Variants in DCUN1D1 observed in about 807,000 individuals in gnomAD.
The protein encoded by DCUN1D1 is defective in cullin neddylation 1 domain containing 1, also known as DCN1-like protein 1.
A neutral mutation model predicts 39.0 loss-of-function variants in DCUN1D1; 3 were observed. The observed-to-expected ratio is 0.08, with a 90% CI of 0.04 to 0.20. The LOEUF (loss-of-function observed/expected upper bound fraction) is 0.20, where lower values mean the gene tolerates loss of function less well. Ranked by LOEUF, DCUN1D1 falls within the 10% of genes least tolerant of loss-of-function variation. The pLI, the probability that DCUN1D1 is intolerant of heterozygous loss-of-function variation, is 1.00. For missense variants in DCUN1D1, 158 were observed against 302.4 expected, an observed-to-expected ratio of 0.52 and a Z score of 3.54; for synonymous variants, 82 against 96.3, an observed-to-expected ratio of 0.85 and a Z score of 0.87.
At chr3:182,965,498 TG>T in intron 2 of DCUN1D1, 38 bp downstream of exon 2, 1 of 1,411,874 alleles carries the variant, frequency 7.1e-7, no homozygotes, top group Non-Finnish European at 9.9e-7. Flanking sequence ...TTGGAAAATC[TG>T]GTCCAAAATT....
rs1472667594 is a variant in DCUN1D1 at position 182,943,522 on chromosome 3, G to A, written c.*1572C>T. On this transcript the variant is annotated 3_prime_UTR_variant, in exon 7 of 7. Coordinates refer to ENST00000292782, the MANE Select transcript of DCUN1D1 (RefSeq NM_020640.4). ...TAAAAAGCAGTTTTGATATGTCATT[G>A]TTTCTTAAAATAATTTCCATATTTG... is the stretch of plus-strand genomic sequence containing the variant. 6.6e-6 allele frequency: 1 copy of A among 152,372 alleles called. No individual in the cohort carries two copies. Among genetic ancestry groups the A allele is most frequent in the Non-Finnish European group, 1.5e-5 (1 of 67,982 alleles). The allele number at this position is 152,372 out of a possible 1,614,324, so 9.4% of individuals were successfully genotyped here.
chr3:182,959,501 CAAAA>C (rs11373344), intron 4 of DCUN1D1, among the ~76,000 whole-genome samples: 1 of 81,138 alleles, frequency 1.2e-5, no homozygotes, highest in Non-Finnish European at 2.2e-5. Context: ...CTTCAAAAAC[CAAAA>C]AAAAAAAAAA....
intron 1 of DCUN1D1, among the ~76,000 whole-genome samples, chr3:182,967,061 C>G (rs1262865272): frequency 3.3e-5 from 5 of 151,698 alleles, no homozygotes; most frequent in Non-Finnish European, 5.9e-5. Context: ...GAGCCAAGAT[C>G]ACATCATCAC....
chr3:182,950,227 A>G (rs1375280191), intron 4 of DCUN1D1, among the ~76,000 whole-genome samples: 2 of 151,842 alleles, frequency 1.3e-5, no homozygotes, highest in African/African-American at 4.8e-5. Flanking sequence ...GGTTCACTGC[A>G]ACCTCCGACT....
upstream of DCUN1D1, among the ~76,000 whole-genome samples, chr3:182,984,355 TG>T (rs960975333): frequency 5.9e-5 from 9 of 152,342 alleles, no homozygotes; most frequent in African/African-American, 2.2e-4. Flanking sequence ...ATTTTTTAAA[TG>T]GAAAAGCATC....
intron 1 of DCUN1D1, among the ~76,000 whole-genome samples, chr3:182,971,386 A>G (rs1421434045): frequency 1.3e-5 from 2 of 152,024 alleles, no homozygotes; most frequent in Non-Finnish European, 2.9e-5. Context: ...GCAGCACAGG[A>G]AGACCTCATC....
intron 6 of DCUN1D1, among the ~76,000 whole-genome samples, chr3:182,945,728 G>A (rs1509229): frequency 0.71 from 108,673 of 152,124 alleles, 39,630 homozygotes; most frequent in Non-Finnish European, 0.77. Flanking sequence ...TCACAAAGGA[G>A]ATTAACAGGA....
upstream of DCUN1D1, chr3:182,980,563 C>A: frequency 8.5e-7 from 1 of 1,177,664 alleles, no homozygotes; most frequent in Non-Finnish European, 1.1e-6. Flanking sequence ...GCGGCGGCTC[C>A]TCTCACGGGC....
At chr3:182,945,487 T>C (rs1378756171) in intron 6 of DCUN1D1, among the ~76,000 whole-genome samples, 1 of 152,090 alleles carries the variant, frequency 6.6e-6, no homozygotes, top group Non-Finnish European at 1.5e-5. Context: ...AGTAATTTGG[T>C]CAAAACTGGC....
chr3:182,961,064 T>C (rs538010772), intron 4 of DCUN1D1, among the ~76,000 whole-genome samples, 162 bp downstream of exon 4: 3 of 152,332 alleles, frequency 2.0e-5, no homozygotes, highest in African/African-American at 7.2e-5. Flanking sequence ...TCAATGTGCA[T>C]GGTATTTTCT....
upstream of DCUN1D1, among the ~76,000 whole-genome samples, chr3:182,983,508 G>A (rs1728625890): frequency 6.6e-6 from 1 of 152,198 alleles, no homozygotes; most frequent in African/African-American, 2.4e-5. Flanking sequence ...TTAAGTTCAG[G>A]AGTTCGAGAC....
At chr3:182,957,565 G>A (rs950858843) in intron 4 of DCUN1D1, among the ~76,000 whole-genome samples, 9 of 152,076 alleles carry the variant, frequency 5.9e-5, no homozygotes, top group African/African-American at 2.2e-4. Flanking sequence ...GTTTGAGACT[G>A]CAGTGAGCTA....
intron 4 of DCUN1D1, among the ~76,000 whole-genome samples, chr3:182,958,351 C>T (rs1727204282): frequency 6.6e-6 from 1 of 151,898 alleles, no homozygotes; most frequent in African/African-American, 2.4e-5. Flanking sequence ...TACCCTCTTC[C>T]CTAGTCAGTT....
chr3:182,982,430 C>G (rs1239009747), upstream of DCUN1D1, among the ~76,000 whole-genome samples: 1 of 152,188 alleles, frequency 6.6e-6, no homozygotes, highest in Non-Finnish European at 1.5e-5. Flanking sequence ...GGTCATTTCA[C>G]AGGTCCATCA....
intron 2 of DCUN1D1, 38 bp downstream of exon 2, chr3:182,965,499 G>C (rs1727625990): frequency 7.1e-7 from 1 of 1,407,610 alleles, no homozygotes; most frequent in Admixed American, 1.9e-5. Flanking sequence ...TGGAAAATCT[G>C]GTCCAAAATT....
chr3:182,966,788 T>C (rs1727688890), intron 1 of DCUN1D1, among the ~76,000 whole-genome samples: 1 of 152,158 alleles, frequency 6.6e-6, no homozygotes, highest in South Asian at 2.1e-4. Context: ...GAGGGAAAAC[T>C]TGAGGTACTC....
At chr3:182,962,532 G>GT (rs1301582178) in intron 3 of DCUN1D1, among the ~76,000 whole-genome samples, 1 of 152,150 alleles carries the variant, frequency 6.6e-6, no homozygotes, top group Admixed American at 6.6e-5. Flanking sequence ...TCTCCAGGCA[G>GT]TTTTTTCACC....
rs1359500468 is a variant in DCUN1D1 at position 182,942,374 on chromosome 3, A to G, written c.*2720T>C. The G allele has an allele frequency of 6.6e-6, 1 of 152,136 alleles. No individual in the cohort carries two copies. Among genetic ancestry groups the G allele is most frequent in the African/African-American group, 2.4e-5 (1 of 41,446 alleles). The allele number at this position is 152,136 out of a possible 1,614,324, so 9.4% of individuals were successfully genotyped here. A position where few individuals can be genotyped will look rare whatever the true frequency, so the allele number is the denominator to read the frequency against. The stretch of plus-strand genomic sequence containing the variant: ...TATGTGAAAAGATTTAGTCATGGCA[A>G]TTTCACTGCAGCTTTTATTGCCTCT... On this transcript the variant is annotated 3_prime_UTR_variant, in exon 7 of 7. Transcript: ENST00000292782.
chr3:182,965,941 A>T (rs1387456010), intron 1 of DCUN1D1, among the ~76,000 whole-genome samples, 188 bp from the exon 2 acceptor site: 1 of 152,154 alleles, frequency 6.6e-6, no homozygotes, highest in Non-Finnish European at 1.5e-5. Flanking sequence ...TGAAACAGAA[A>T]ATATGGTACA....
Sources: gnomAD v4.1 joint callset for allele counts (sites outside exome capture counted in the v4.1 genomes callset) on GRCh38, gnomAD v4.1.1 for gene constraint, MANE v1.5 for transcripts, NCBI Gene and HGNC (gene_info 2026-07-23, HGNC 2026-07-21) for gene names.